Variants in DAB1 observed in about 807,000 individuals in gnomAD.
DAB1 encodes the protein disabled homolog 1.
In DAB1, 15 loss-of-function variants were observed where a neutral mutation model predicts 64.6. The observed-to-expected ratio is 0.23, with a 90% CI of 0.16 to 0.36. DAB1 has a LOEUF of 0.36. Among genes scored for constraint, DAB1 ranks in the 10% least tolerant of loss-of-function variants. DAB1 has a pLI of 1.00. For missense variants in DAB1, 596 were observed against 706.7 expected (o/e 0.84, Z 1.78); for synonymous variants, 235 against 251.9 (o/e 0.93, Z 0.64).
At chr1:57,450,836 C>T (rs942241974) in intron 7 of DAB1, among the ~76,000 whole-genome samples, 3 of 152,138 alleles carry the variant, frequency 2.0e-5, no homozygotes, top group Admixed American at 2.0e-4. Context: ...TCCTGTATGT[C>T]CATCAAAAGA....
intron 1 of DAB1, among the ~76,000 whole-genome samples, chr1:57,870,625 A>G (rs975295884): frequency 6.6e-6 from 1 of 152,156 alleles, no homozygotes; most frequent in Non-Finnish European, 1.5e-5. Context: ...AATGCACAGT[A>G]TATAGTAAGA....
chr1:57,137,384 G>A (rs150947792), intron 3 of DAB1, among the ~76,000 whole-genome samples: 1 of 152,324 alleles, frequency 6.6e-6, no homozygotes, highest in East Asian at 1.9e-4. Context: ...AGGACAGTCC[G>A]TGGAGGGCAG....
intron 1 of DAB1, chr1:58,530,624 A>C: frequency 5.7e-6 from 5 of 872,734 alleles, no homozygotes; most frequent in Non-Finnish European, 1.0e-5. Context: ...GACTGTATCC[A>C]CTGGCACAAA....
intron 3 of DAB1, among the ~76,000 whole-genome samples, chr1:58,487,902 G>A (rs1043983100): frequency 3.3e-5 from 5 of 151,182 alleles, no homozygotes; most frequent in African/African-American, 4.9e-5. Context: ...GCATGTTACC[G>A]TACCTCTTCT....
chr1:57,609,257 T>C (rs1266825828), intron 7 of DAB1, among the ~76,000 whole-genome samples: 2 of 152,180 alleles, frequency 1.3e-5, no homozygotes, highest in Admixed American at 6.5e-5. Flanking sequence ...GAAAGTAAAA[T>C]TGATGATCGT....
chr1:57,427,113 T>G (rs1685321087), upstream of DAB1, among the ~76,000 whole-genome samples: 1 of 152,116 alleles, frequency 6.6e-6, no homozygotes, highest in Non-Finnish European at 1.5e-5. Context: ...TCCACCCGCC[T>G]CGGCCTCCCA....
At chr1:57,487,795 A>G (rs950487877) in intron 7 of DAB1, among the ~76,000 whole-genome samples, 14 of 152,226 alleles carry the variant, frequency 9.2e-5, no homozygotes, top group African/African-American at 3.1e-4. Context: ...TTCTCAGAAC[A>G]TATTTCCATC....
In DAB1 at chr1:58,001,685, C is replaced by T. The variant is rs112263209; in HGVS notation, n.388-117523G>A. On this transcript the variant is annotated intron_variant and non_coding_transcript_variant, in intron 5 of 20. Transcript: ENST00000485760. ...GGATTAAAAAGACCACAGATTATCCCTCTGCTGTCTGGGAGTACTATGGAT... is the reference window on the plus strand; with the variant it reads ...GGATTAAAAAGACCACAGATTATCCTTCTGCTGTCTGGGAGTACTATGGAT... Among the ~76,000 whole-genome samples the T allele has an allele frequency of 8.0e-3, 1,212 of 152,270 alleles. 16 individuals carry two copies. Among genetic ancestry groups the T allele is most frequent in the African/African-American group, 0.028 (1,160 of 41,554 alleles).
At chr1:57,836,983 C>A (rs958772175) in intron 1 of DAB1, among the ~76,000 whole-genome samples, 2 of 152,156 alleles carry the variant, frequency 1.3e-5, no homozygotes, top group African/African-American at 4.8e-5. Context: ...TAGGAGTGAT[C>A]CTTGGCTCTG....
At chr1:58,499,106 T>C (rs1645853333) in intron 3 of DAB1, among the ~76,000 whole-genome samples, 2 of 152,002 alleles carry the variant, frequency 1.3e-5, no homozygotes, top group African/African-American at 2.4e-5. Context: ...CTGGAGGACA[T>C]TATGCTAAGT....
chr1:57,521,438 G>A lies in DAB1; in HGVS notation n.625+128154C>T, dbSNP rs569098257. ...TTGGGAGTCTGGCAGGGGGCTGAAC[G>A]ACAAGTTTTTTTTTTGTTTGGGAAG... On this transcript the variant is annotated intron_variant and non_coding_transcript_variant, in intron 7 of 20. Transcript: ENST00000485760. 1.7e-3 allele frequency among the ~76,000 whole-genome samples: 256 copies of A among 149,756 alleles called. 1 individual carries two copies. The highest frequency in any genetic ancestry group is 0.014 in the Middle Eastern group (4 of 294).
At chr1:57,511,236 A>G (rs1644401735) in intron 7 of DAB1, among the ~76,000 whole-genome samples, 1 of 152,184 alleles carries the variant, frequency 6.6e-6, no homozygotes, top group African/African-American at 2.4e-5. Flanking sequence ...GTTGCTTCCC[A>G]TATTTCTATG....
chr1:58,381,886 T>A (rs12030247), intron 3 of DAB1, among the ~76,000 whole-genome samples: 13,977 of 106,816 alleles, frequency 0.13, 747 homozygotes, highest in East Asian at 0.29. Context: ...AAATAATGAA[T>A]GACACCATCA....
At chr1:58,410,904 C>T (rs975010786) in intron 3 of DAB1, among the ~76,000 whole-genome samples, 1 of 152,206 alleles carries the variant, frequency 6.6e-6, no homozygotes, top group Non-Finnish European at 1.5e-5. Flanking sequence ...CCGTACATGA[C>T]ACTGCCAGAG....
At chr1:58,339,256 C>T (rs1359967968) in intron 4 of DAB1, among the ~76,000 whole-genome samples, 1 of 152,064 alleles carries the variant, frequency 6.6e-6, no homozygotes, top group African/African-American at 2.4e-5. Flanking sequence ...AGGAGATGTT[C>T]TACAAGATGA....
chr1:57,661,566 C>T (rs1646386923), intron 6 of DAB1, among the ~76,000 whole-genome samples: 1 of 152,126 alleles, frequency 6.6e-6, no homozygotes, highest in Non-Finnish European at 1.5e-5. Flanking sequence ...AGATAGTGTA[C>T]AGTTGTCCCT....
chr1:57,840,051 T>C (rs1211454114), intron 1 of DAB1, among the ~76,000 whole-genome samples: 1 of 152,222 alleles, frequency 6.6e-6, no homozygotes, highest in Admixed American at 6.5e-5. Flanking sequence ...TGAGTCTTTA[T>C]TCAAAATTCT....
At chr1:58,113,163 G>A (rs1166507940) in intron 5 of DAB1, among the ~76,000 whole-genome samples, 1 of 152,182 alleles carries the variant, frequency 6.6e-6, no homozygotes, top group Non-Finnish European at 1.5e-5. Flanking sequence ...GGCACAAGAA[G>A]TCAGGAAATG....
intron 5 of DAB1, among the ~76,000 whole-genome samples, chr1:58,026,918 CTGACAGCTAT>C (rs1475681981): frequency 1.3e-5 from 2 of 152,206 alleles, no homozygotes; most frequent in Non-Finnish European, 2.9e-5. Flanking sequence ...GACAGTTGAC[CTGACAGCTAT>C]TGCACATGAG....
Sources: gnomAD v4.1 joint callset for allele counts (sites outside exome capture counted in the v4.1 genomes callset) on GRCh38, gnomAD v4.1.1 for gene constraint, MANE v1.5 for transcripts, NCBI Gene and HGNC (gene_info 2026-07-23, HGNC 2026-07-21) for gene names.